PARD3: variants seen among roughly 807,000 people sequenced by gnomAD.
PARD3 encodes par-3 family cell polarity regulator, also known as partitioning defective 3 homolog.
Under a neutral mutation model 155.4 loss-of-function variants are expected in PARD3, and 75 were observed. The observed-to-expected ratio is 0.48, with a 90% CI of 0.40 to 0.58. The LOEUF is 0.58. Among genes scored for constraint, PARD3 ranks in the 20% least tolerant of loss-of-function variants. PARD3 has a pLI of 0.00. For missense variants in PARD3, 1,642 were observed against 1,721.7 expected, an observed-to-expected ratio of 0.95 and a Z score of 0.82; for synonymous variants, 576 against 610.5, an observed-to-expected ratio of 0.94 and a Z score of 0.83.
At chr10:34,490,831 C>T (rs1348827108) in intron 3 of PARD3, among the ~76,000 whole-genome samples, 1 of 152,192 alleles carries the variant, frequency 6.6e-6, no homozygotes, top group Non-Finnish European at 1.5e-5. Flanking sequence ...CTTCACCAGT[C>T]ATTAAAATGA....
chr10:34,341,892 G>A, intron 15 of PARD3, 76 bp from the exon 16 acceptor site: 1 of 876,390 alleles, frequency 1.1e-6, no homozygotes, highest in Non-Finnish European at 1.8e-6. Flanking sequence ...TTAATACTTT[G>A]CTATATTAGT....
intron 22 of PARD3, among the ~76,000 whole-genome samples, chr10:34,189,173 A>G (rs1392885769): frequency 6.6e-6 from 1 of 152,036 alleles, no homozygotes; most frequent in Non-Finnish European, 1.5e-5. Flanking sequence ...CTCTACAAAA[A>G]TAAAAATAAA....
chr10:34,201,788 G>A (rs549262531), intron 22 of PARD3, among the ~76,000 whole-genome samples: 1 of 152,158 alleles, frequency 6.6e-6, no homozygotes, highest in East Asian at 1.9e-4. Context: ...TTCCATTATC[G>A]TAAAAACTAA....
intron 1 of PARD3, among the ~76,000 whole-genome samples, chr10:34,747,299 T>G (rs980300425): frequency 6.6e-6 from 1 of 152,178 alleles, no homozygotes; most frequent in African/African-American, 2.4e-5. Context: ...ACAGCCACTC[T>G]AGAGAGAGAC....
At chr10:34,702,549 G>A (rs1247809125) in intron 1 of PARD3, among the ~76,000 whole-genome samples, 3 of 152,140 alleles carry the variant, frequency 2.0e-5, no homozygotes, top group South Asian at 2.1e-4. Context: ...GAAACTAGAG[G>A]AGGAACAATT....
At chr10:34,788,286 G>T (rs1420152874) in intron 1 of PARD3, among the ~76,000 whole-genome samples, 1 of 152,038 alleles carries the variant, frequency 6.6e-6, no homozygotes, top group Non-Finnish European at 1.5e-5. Flanking sequence ...GAAGCACTTT[G>T]TGTGTCACCC....
At chr10:34,614,183 A>C (rs764407250) in intron 2 of PARD3, among the ~76,000 whole-genome samples, 34 of 152,340 alleles carry the variant, frequency 2.2e-4, no homozygotes, top group Non-Finnish European at 2.1e-4. Flanking sequence ...ATAGAAAAGT[A>C]ATGTGAGGCC....
chr10:34,347,991 C>T lies in PARD3; in HGVS notation c.2192G>A (p.Arg731Lys). The T allele has an allele frequency of 6.2e-7, 1 of 1,613,334 alleles. No homozygotes were observed. The highest frequency in any genetic ancestry group is 8.5e-7 in the Non-Finnish European group (1 of 1,179,644). The change falls in exon 15 of 25, where the codon AGA becomes AAA. Residue 731 changes from arginine (R) to lysine (K), a missense_variant. Physicochemically the swap from Arg to Lys is conservative, Grantham distance 26. Around this residue, in one of 3 missense-constraint regions of PARD3, gnomAD observed 1,529 missense variants for 1,587.3 expected, o/e 0.96. Transcript: ENST00000374788. ...CATTATCCTACTGAGGGCAGCATTT[C>T]TGCTGGGCGATTCATCAAGCCCCTC... ...GIEGLDESPS[R>K]NAALSRIMGK...
At chr10:34,533,569 G>GAC (rs1300749367) in intron 2 of PARD3, among the ~76,000 whole-genome samples, 2 of 151,990 alleles carry the variant, frequency 1.3e-5, no homozygotes, top group Admixed American at 6.6e-5. Context: ...AACTTTGGGG[G>GAC]ACCAAGGCAG....
At chr10:34,707,433 C>T (rs574988527) in intron 1 of PARD3, among the ~76,000 whole-genome samples, 1 of 152,034 alleles carries the variant, frequency 6.6e-6, no homozygotes, top group East Asian at 1.9e-4. Flanking sequence ...CGGGATACAC[C>T]ACCAAAAAAA....
At chr10:34,244,417 G>A (rs1953807892) in intron 22 of PARD3, among the ~76,000 whole-genome samples, 1 of 152,168 alleles carries the variant, frequency 6.6e-6, no homozygotes, top group East Asian at 1.9e-4. Flanking sequence ...GACGAACAGA[G>A]ATACTGAAGG....
At chr10:34,394,343 A>G (rs1843127179) in intron 7 of PARD3, among the ~76,000 whole-genome samples, 1 of 151,958 alleles carries the variant, frequency 6.6e-6, no homozygotes, top group Admixed American at 6.6e-5. Context: ...GTTTTTGTTT[A>G]AGACAGGTTC....
intron 12 of PARD3, among the ~76,000 whole-genome samples, chr10:34,361,448 TC>T (rs1436869493): frequency 3.9e-5 from 6 of 152,226 alleles, no homozygotes; most frequent in African/African-American, 1.2e-4. Context: ...TACAGAATGT[TC>T]AATAACACAA....
chr10:34,538,164 A>G (rs2083345523), intron 2 of PARD3, among the ~76,000 whole-genome samples: 1 of 152,244 alleles, frequency 6.6e-6, no homozygotes, highest in African/African-American at 2.4e-5. Flanking sequence ...ATAAATAAAT[A>G]AAATGTAATC....
At chr10:34,347,881 C>A in intron 15 of PARD3, 84 bp downstream of exon 15, 1 of 993,976 alleles carries the variant, frequency 1.0e-6, no homozygotes. Context: ...ACTAATAGTA[C>A]ATTAATATTA....
At position 34,437,163 on chromosome 10, in the gene PARD3, T is replaced by G. The variant is rs942028693; in HGVS notation, c.714+13154A>C. Among the ~76,000 whole-genome samples the G allele has an allele frequency of 3.9e-5, 6 of 152,286 alleles. No individual in the cohort carries two copies. The East Asian group carries it at 1.2e-3, about 29-fold the overall frequency. The stretch of plus-strand genomic sequence containing the variant: ...GGGAACAGGGAAGATTAGAATCCTG[T>G]GTCTCATACAGAAGTCTAATGAACC... On this transcript the variant is annotated intron_variant, in intron 5 of 24. Transcript: ENST00000374788.
chr10:34,483,701 C>T (rs774482807), intron 3 of PARD3, among the ~76,000 whole-genome samples: 2 of 152,174 alleles, frequency 1.3e-5, no homozygotes, highest in African/African-American at 4.8e-5. Flanking sequence ...GTGCCCAAAA[C>T]AGTGCCCGGA....
chr10:34,258,081 GAC>G (rs1954752173), intron 22 of PARD3, among the ~76,000 whole-genome samples: 1 of 152,182 alleles, frequency 6.6e-6, no homozygotes, highest in Admixed American at 6.5e-5. Context: ...GAACCAATAT[GAC>G]ACAGTCTGAT....
chr10:34,145,048 T>A (rs1948389928), intron 22 of PARD3, among the ~76,000 whole-genome samples: 1 of 151,782 alleles, frequency 6.6e-6, no homozygotes, highest in South Asian at 2.1e-4. Flanking sequence ...ACTGACAGTT[T>A]GGCTAGGTAT....
Sources: allele counts gnomAD v4.1 joint callset (sites outside exome capture counted in the v4.1 genomes callset), GRCh38; gene constraint gnomAD v4.1.1; regional missense constraint gnomAD v4.1.1; transcripts MANE v1.5; gene names NCBI Gene and HGNC (gene_info 2026-07-23, HGNC 2026-07-21).